The following ROR1 variants were observed in gnomAD, a reference collection of about 807,000 sequenced individuals.
ROR1 encodes inactive tyrosine-protein kinase transmembrane receptor ROR1.
Under a neutral mutation model 78.8 loss-of-function variants are expected in ROR1, and 19 were observed. The observed-to-expected ratio is 0.24, with a 90% CI of 0.17 to 0.35. The LOEUF (loss-of-function observed/expected upper bound fraction) is 0.35. Among genes scored for constraint, ROR1 ranks in the 10% least tolerant of loss-of-function variants. The pLI is 1.00. For synonymous variants in ROR1, 386 were observed against 433.6 expected (o/e 0.89, Z 1.36); for missense variants, 917 against 1,177.8 (o/e 0.78, Z 3.24).
intron 1 of ROR1, among the ~76,000 whole-genome samples, chr1:63,788,544 G>A (rs192760554): frequency 2.6e-4 from 40 of 151,916 alleles, no homozygotes; most frequent in Middle Eastern, 6.9e-3. Flanking sequence ...GAAAGAGGCC[G>A]GCATTGATTG....
chr1:63,892,541 G>C lies in ROR1; in HGVS notation c.92-116764G>C, dbSNP rs1329741092. ...TATATTTATTGTCTATTTTACAGAT[G>C]TGAAAGCCTGAGAAGGCAGATAGAT... On this transcript the variant is annotated intron_variant, in intron 1 of 8. Transcript: ENST00000371079. Among the ~76,000 whole-genome samples, 5 of 152,274 alleles carry C rather than the reference G, an allele frequency of 3.3e-5. No individual in the cohort carries two copies. The East Asian group carries it at 9.6e-4, about 29-fold the overall frequency.
intron 4 of ROR1, among the ~76,000 whole-genome samples, chr1:64,069,951 T>G (rs1472591195): frequency 6.6e-6 from 1 of 152,174 alleles, no homozygotes; most frequent in Non-Finnish European, 1.5e-5. Flanking sequence ...TTGTAGAACA[T>G]TTTTATTACT....
intron 1 of ROR1, among the ~76,000 whole-genome samples, chr1:63,875,495 A>G (rs1445910455): frequency 6.6e-6 from 1 of 152,172 alleles, no homozygotes; most frequent in African/African-American, 2.4e-5. Context: ...TCTGAGCCCT[A>G]ATTAAGAACC....
intron 1 of ROR1, among the ~76,000 whole-genome samples, chr1:63,915,915 G>A (rs769658618): frequency 1.4e-4 from 22 of 152,084 alleles, no homozygotes; most frequent in Non-Finnish European, 5.9e-5. Flanking sequence ...TCTCCTGTGT[G>A]GGATCCCCCA....
intron 4 of ROR1, among the ~76,000 whole-genome samples, chr1:64,058,170 A>G (rs1353816981): frequency 6.6e-6 from 1 of 152,280 alleles, no homozygotes; most frequent in Non-Finnish European, 1.5e-5. Flanking sequence ...ATTTTTGTAT[A>G]TTGATCTTAT....
chr1:64,036,851 A>C (rs1203478680), intron 2 of ROR1, among the ~76,000 whole-genome samples: 1 of 152,182 alleles, frequency 6.6e-6, no homozygotes, highest in African/African-American at 2.4e-5. Context: ...ATGTGGTTGC[A>C]GTCAGATGGT....
chr1:64,078,801 G>A (rs1390577456), intron 4 of ROR1, among the ~76,000 whole-genome samples: 1 of 152,172 alleles, frequency 6.6e-6, no homozygotes, highest in African/African-American at 2.4e-5. Context: ...TGATGTCTCT[G>A]AGGTTAAAGG....
At chr1:64,170,479 A>G (rs1183206242) in intron 8 of ROR1, among the ~76,000 whole-genome samples, 1 of 152,132 alleles carries the variant, frequency 6.6e-6, no homozygotes, top group Non-Finnish European at 1.5e-5. Flanking sequence ...AGCCCACAAA[A>G]CCATTTTCTC....
At chr1:63,966,393 C>G (rs528350300) in intron 1 of ROR1, among the ~76,000 whole-genome samples, 2 of 152,236 alleles carry the variant, frequency 1.3e-5, no homozygotes, top group East Asian at 3.9e-4. Context: ...TTAATGAGAA[C>G]CATTCATTGT....
Position 64,178,351 on chromosome 1 carries a change from A to C in ROR1, c.2310A>C (p.Thr770=). The change falls in exon 9 of 9, where the codon ACA becomes ACC. Residue 770 remains threonine, a synonymous_variant. Coordinates refer to ENST00000371079, the MANE Select transcript of ROR1 (RefSeq NM_005012.4). The surrounding 1 kb of genome is among the most constrained non-coding windows in gnomAD (Gnocchi z 4.3). ...CAGGGGGAAATGCCACCACACAGAC[A>C]ACCTCCCTCAGTGCCAGCCCAGTGA... is the stretch of plus-strand genomic sequence containing the variant. ...TPSGGNATTQ[T]TSLSASPVSN... is the part of the protein sequence containing the mutation. 6.2e-7 allele frequency: 1 copy of C among 1,614,180 alleles called. No individual in the cohort carries two copies. Among genetic ancestry groups the C allele is most frequent in the Non-Finnish European group, 8.5e-7 (1 of 1,180,040 alleles).
intron 1 of ROR1, among the ~76,000 whole-genome samples, chr1:63,868,508 G>A (rs1219286540): frequency 1.3e-5 from 2 of 152,126 alleles, no homozygotes; most frequent in Non-Finnish European, 2.9e-5. Flanking sequence ...TTTGGCTTTG[G>A]GCAATTTACT....
intron 1 of ROR1, among the ~76,000 whole-genome samples, chr1:63,879,498 C>A (rs1371683545): frequency 6.6e-6 from 1 of 151,816 alleles, no homozygotes; most frequent in Non-Finnish European, 1.5e-5. Context: ...TCCTTTCTGG[C>A]AGCATTTTCC....
chr1:63,927,966 T>G (rs1025645774), intron 1 of ROR1, among the ~76,000 whole-genome samples: 5 of 152,056 alleles, frequency 3.3e-5, no homozygotes, highest in African/African-American at 9.6e-5. Flanking sequence ...TCCCTTTTTT[T>G]TTTTTTTTTT....
At chr1:63,875,965 G>A (rs1326063374) in intron 1 of ROR1, among the ~76,000 whole-genome samples, 1 of 152,082 alleles carries the variant, frequency 6.6e-6, no homozygotes, top group East Asian at 1.9e-4. Context: ...AAGCAAGTGA[G>A]TTTTGAGGTT....
In ROR1 at chr1:63,854,919, A is replaced by G. The variant is rs546381767; in HGVS notation, c.91+80411A>G. On this transcript the variant is annotated intron_variant, in intron 1 of 8. Coordinates refer to ENST00000371079, the MANE Select transcript of ROR1 (RefSeq NM_005012.4). Reference sequence around the variant, plus strand: ...ACTTTAAATTATCTCTAGGTTACTTATAATACCTAATATAATATAAATGCT... The same window carrying G: ...ACTTTAAATTATCTCTAGGTTACTTGTAATACCTAATATAATATAAATGCT... Among the ~76,000 whole-genome samples the G allele has an allele frequency of 2.0e-5, 3 of 152,272 alleles. No homozygotes were observed. In the East Asian group the frequency reaches 5.8e-4, roughly 29 times the overall value.
chr1:64,109,351 A>G (rs536260372), intron 4 of ROR1, among the ~76,000 whole-genome samples: 4 of 152,342 alleles, frequency 2.6e-5, no homozygotes, highest in South Asian at 2.1e-4. Flanking sequence ...AGCTGGAATT[A>G]TAAGTGAAGA....
intron 8 of ROR1, among the ~76,000 whole-genome samples, chr1:64,172,814 C>A (rs1342191522): frequency 6.6e-6 from 1 of 152,162 alleles, no homozygotes; most frequent in Non-Finnish European, 1.5e-5. Flanking sequence ...TTCAAACAGA[C>A]AAACTCCACT....
intron 1 of ROR1, among the ~76,000 whole-genome samples, chr1:63,867,069 G>A (rs1454349069): frequency 6.6e-6 from 1 of 152,202 alleles, no homozygotes; most frequent in Non-Finnish European, 1.5e-5. Flanking sequence ...TGTAGTAGCT[G>A]CTACACTGTT....
intron 1 of ROR1, among the ~76,000 whole-genome samples, chr1:63,947,651 T>G (rs957867881): frequency 3.3e-5 from 5 of 152,144 alleles, no homozygotes; most frequent in Admixed American, 6.5e-5. Flanking sequence ...CTGAGACCTG[T>G]GTGAGCTGGT....
Sources: allele counts gnomAD v4.1 joint callset (sites outside exome capture counted in the v4.1 genomes callset), GRCh38; gene constraint gnomAD v4.1.1; non-coding constraint Gnocchi (gnomAD v3.1); transcripts MANE v1.5; gene names NCBI Gene and HGNC (gene_info 2026-07-23, HGNC 2026-07-21).